Variants in PDK1 observed in about 807,000 individuals in gnomAD.
The protein encoded by PDK1 is [Pyruvate dehydrogenase (acetyl-transferring)] kinase isozyme 1, mitochondrial.
A neutral mutation model predicts 54.2 loss-of-function variants in PDK1; 39 were observed. The observed-to-expected ratio is 0.72, with a 90% confidence interval of 0.56 to 0.94. The LOEUF is 0.94. PDK1 is among the 40% of genes least tolerant of loss of function. PDK1 has a pLI of 0.00. For synonymous variants in PDK1, 221 were observed against 207.1 expected, an observed-to-expected ratio of 1.07 and a Z score of -0.58; for missense variants, 552 against 566.0, an observed-to-expected ratio of 0.98 and a Z score of 0.25.
chr2:172,597,919 A>T lies in PDK1; in HGVS notation c.*1950A>T, dbSNP rs1690974531. The stretch of plus-strand genomic sequence containing the variant: ...TGTGATAAATGTGTAGATTAGAGGG[A>T]TGTGAATGGGCAGTTAGTCCAGTGC... On this transcript the variant is annotated 3_prime_UTR_variant, in exon 11 of 11. Coordinates refer to ENST00000282077, the MANE Select transcript of PDK1 (RefSeq NM_002610.5). 6.6e-6 allele frequency: 1 copy of T among 151,612 alleles called. No homozygotes were observed. The highest frequency in any genetic ancestry group is 6.6e-5 in the Admixed American group (1 of 15,216). 9.4% of individuals were successfully genotyped at this position (151,612 alleles called of 1,614,324 possible).
chr2:172,591,874 G>C (rs1454124837), intron 9 of PDK1, among the ~76,000 whole-genome samples: 1 of 152,168 alleles, frequency 6.6e-6, no homozygotes, highest in East Asian at 1.9e-4. Context: ...AGTACTTTAA[G>C]GTTTGGCTGA....
chr2:172,663,529 G>T, the PDK1 span, among the ~76,000 whole-genome samples: 1 of 151,646 alleles, frequency 6.6e-6, no homozygotes, highest in Non-Finnish European at 1.5e-5. Context: ...AGAGTGCAGT[G>T]TCAAATCACA....
the PDK1 span, among the ~76,000 whole-genome samples, chr2:172,720,549 G>A: frequency 2.0e-5 from 3 of 152,094 alleles, no homozygotes; most frequent in Non-Finnish European, 4.4e-5. Flanking sequence ...CAGTTGTTTT[G>A]TTCCTGTGTG....
the PDK1 span, among the ~76,000 whole-genome samples, chr2:172,686,623 C>T: frequency 3.3e-4 from 50 of 152,304 alleles, no homozygotes; most frequent in East Asian, 6.4e-3. Context: ...CCACTTTTTA[C>T]GCTGTGGAAG....
chr2:172,635,539 C>A, the PDK1 span, among the ~76,000 whole-genome samples: 1 of 152,218 alleles, frequency 6.6e-6, no homozygotes, highest in South Asian at 2.1e-4. Context: ...TAGTCTCAAA[C>A]TGCTGGCCTC....
the PDK1 span, among the ~76,000 whole-genome samples, chr2:172,649,860 G>A: frequency 2.0e-5 from 3 of 152,190 alleles, no homozygotes; most frequent in African/African-American, 4.8e-5. Context: ...ATTTACGTCC[G>A]ATTGGTGTAC....
chr2:172,625,551 G>C, the PDK1 span, among the ~76,000 whole-genome samples: 1 of 152,100 alleles, frequency 6.6e-6, no homozygotes, highest in Non-Finnish European at 1.5e-5. Context: ...TTTAGCCCTT[G>C]TTTTCCAAGG....
At chr2:172,654,366 A>T in the PDK1 span, among the ~76,000 whole-genome samples, 1 of 152,180 alleles carries the variant, frequency 6.6e-6, no homozygotes, top group African/African-American at 2.4e-5. Context: ...CTTGGAACCA[A>T]CCCAAATGTC....
the PDK1 span, among the ~76,000 whole-genome samples, chr2:172,717,892 C>T: frequency 6.6e-6 from 1 of 152,154 alleles, no homozygotes; most frequent in Non-Finnish European, 1.5e-5. Context: ...GTTAGACATC[C>T]GGTAATGTGT....
intron 8 of PDK1, among the ~76,000 whole-genome samples, chr2:172,580,199 A>G (rs189774815): frequency 1.3e-5 from 2 of 150,702 alleles, no homozygotes; most frequent in South Asian, 4.2e-4. Context: ...ATAAATGGCG[A>G]TGCCATCTGT....
the PDK1 span, among the ~76,000 whole-genome samples, chr2:172,717,761 G>A: frequency 2.0e-5 from 3 of 152,168 alleles, no homozygotes; most frequent in Non-Finnish European, 4.4e-5. Flanking sequence ...GGTAGTTCTT[G>A]ATGGTGGTGT....
the PDK1 span, among the ~76,000 whole-genome samples, chr2:172,640,339 A>G: frequency 6.6e-6 from 1 of 152,206 alleles, no homozygotes; most frequent in Non-Finnish European, 1.5e-5. Flanking sequence ...GTTTGATGTG[A>G]GTTTAGACAC....
chr2:172,678,058 T>C, the PDK1 span, among the ~76,000 whole-genome samples: 1 of 151,998 alleles, frequency 6.6e-6, no homozygotes, highest in African/African-American at 2.4e-5. Flanking sequence ...AAATCCCAGC[T>C]ACTCAGGAGG....
chr2:172,642,660 A>T, the PDK1 span, among the ~76,000 whole-genome samples: 10 of 152,058 alleles, frequency 6.6e-5, no homozygotes, highest in Non-Finnish European at 1.2e-4. Flanking sequence ...GTTCATAGAG[A>T]CTTCCTGACA....
At chr2:172,580,076 TA>T (rs1222335959) in intron 8 of PDK1, among the ~76,000 whole-genome samples, 6 of 126,496 alleles carry the variant, frequency 4.7e-5, no homozygotes, top group African/African-American at 1.8e-4. Flanking sequence ...CTAAGGATAT[TA>T]TTTTTTTTTA....
chr2:172,593,142 C>T, intron 10 of PDK1, 94 bp downstream of exon 10: 2 of 615,636 alleles, frequency 3.2e-6, no homozygotes, highest in Non-Finnish European at 5.7e-6. Flanking sequence ...CTACCACATG[C>T]TGTTTAAATA....
the PDK1 span, among the ~76,000 whole-genome samples, chr2:172,621,794 G>T: frequency 8.0e-6 from 1 of 124,626 alleles, no homozygotes; most frequent in African/African-American, 3.3e-5. Context: ...TCATATGTAT[G>T]ATATATGTTT....
intron 10 of PDK1, among the ~76,000 whole-genome samples, chr2:172,593,662 A>G (rs1179525633): frequency 6.6e-6 from 1 of 152,204 alleles, no homozygotes; most frequent in Non-Finnish European, 1.5e-5. Context: ...TCATGACAGA[A>G]TTGTACAAAC....
At chr2:172,704,034 A>G in the PDK1 span, among the ~76,000 whole-genome samples, 1 of 152,136 alleles carries the variant, frequency 6.6e-6, no homozygotes, top group East Asian at 1.9e-4. Context: ...TCAGCCTCCC[A>G]AAGTGCTGGG....
Sources: allele counts gnomAD v4.1 joint callset (sites outside exome capture counted in the v4.1 genomes callset), GRCh38; gene constraint gnomAD v4.1.1; transcripts MANE v1.5; gene names NCBI Gene and HGNC (gene_info 2026-07-23, HGNC 2026-07-21).